The following FAM171A1 variants were observed in gnomAD, a reference collection of about 807,000 sequenced individuals.
The protein encoded by FAM171A1 is family with sequence similarity 171 member A1.
Under a neutral mutation model 74.9 loss-of-function variants are expected in FAM171A1, and 23 were observed. The observed-to-expected ratio is 0.31, with a 90% CI of 0.22 to 0.44. The LOEUF (loss-of-function observed/expected upper bound fraction) is 0.44. Ranked by LOEUF, FAM171A1 falls within the 20% of genes least tolerant of loss-of-function variation. The pLI is 1.00. For synonymous variants in FAM171A1, 527 were observed against 505.7 expected, an observed-to-expected ratio of 1.04 and a Z score of -0.57; for missense variants, 1,162 against 1,159.2, an observed-to-expected ratio of 1.00 and a Z score of -0.03.
intron 1 of FAM171A1, among the ~76,000 whole-genome samples, chr10:15,308,267 T>G (rs1835320723): frequency 6.6e-6 from 1 of 152,184 alleles, no homozygotes; most frequent in African/African-American, 2.4e-5. Flanking sequence ...TAGGATTTAC[T>G]TAGGAAGGGC....
At chr10:15,371,424 C>T (rs1456022637), upstream of FAM171A1, among the ~76,000 whole-genome samples, 1 of 149,488 alleles carries the variant, frequency 6.7e-6, no homozygotes, top group African/African-American at 2.4e-5. Flanking sequence ...GCCCGACCCC[C>T]GGCGACACTG....
chr10:15,286,801 C>T (rs17358351), intron 1 of FAM171A1, among the ~76,000 whole-genome samples: 38,063 of 152,036 alleles, frequency 0.25, 4,855 homozygotes, highest in Non-Finnish European at 0.28. Flanking sequence ...AGTAGATAAC[C>T]ATAGACAAGA....
At chr10:15,243,215 C>A (rs117715188) in intron 5 of FAM171A1, among the ~76,000 whole-genome samples, 4 of 152,048 alleles carry the variant, frequency 2.6e-5, no homozygotes, top group African/African-American at 9.7e-5. Context: ...CTCCGGCCTG[C>A]GCTCCCATCC....
At chr10:15,342,366 T>A (rs1297143747) in intron 1 of FAM171A1, among the ~76,000 whole-genome samples, 1 of 152,134 alleles carries the variant, frequency 6.6e-6, no homozygotes, top group Non-Finnish European at 1.5e-5. Context: ...AGTCAGGAGT[T>A]CGAGACCAGC....
upstream of FAM171A1, among the ~76,000 whole-genome samples, chr10:15,372,641 G>T (rs1346817325): frequency 2.8e-5 from 4 of 144,342 alleles, no homozygotes; most frequent in Non-Finnish European, 6.0e-5. Context: ...GGAGGTTGCA[G>T]TGAGCCAAGA....
chr10:15,246,406 C>T (rs1042373701), intron 5 of FAM171A1, among the ~76,000 whole-genome samples: 6 of 152,198 alleles, frequency 3.9e-5, no homozygotes, highest in Non-Finnish European at 8.8e-5. Flanking sequence ...TCCTAGAACT[C>T]TGTTTTAACT....
At chr10:15,260,097 G>A (rs569388944) in intron 3 of FAM171A1, among the ~76,000 whole-genome samples, 64 of 152,152 alleles carry the variant, frequency 4.2e-4, no homozygotes, top group Middle Eastern at 3.4e-3. Flanking sequence ...AAAGTGCTGG[G>A]GTTACAGGTG....
chr10:15,278,760 G>A (rs1319060589), intron 2 of FAM171A1, among the ~76,000 whole-genome samples: 1 of 152,212 alleles, frequency 6.6e-6, no homozygotes, highest in Non-Finnish European at 1.5e-5. Context: ...GTGTGGGAAA[G>A]AGTGAGTTGG....
At chr10:15,288,084 A>T (rs924268633) in intron 1 of FAM171A1, among the ~76,000 whole-genome samples, 2 of 152,198 alleles carry the variant, frequency 1.3e-5, no homozygotes, top group African/African-American at 4.8e-5. Context: ...GTTGCTGCAA[A>T]TGTAATTATT....
rs750077585 is a variant in FAM171A1, at chr10:15,214,149, G to A, written c.1439C>T (p.Ser480Leu). ...ACTACCCCTGTAGTCATCATTGCCC[G>A]AGGACTCGTAGCCTTCTCTTTCCAT... ...KSMEREGYES[S>L]GNDDYRGSYN... The change falls in exon 8 of 8, where the codon TCG (serine) becomes TTG (leucine). Residue 480 changes from serine (S) to leucine (L), a missense_variant. By Grantham distance (145) the Ser-to-Leu change is moderately radical. Coordinates refer to ENST00000378116, the MANE Select transcript of FAM171A1 (RefSeq NM_001010924.2). 67 of 1,614,030 alleles carry A rather than the reference G, an allele frequency of 4.2e-5. No homozygotes were observed. Among genetic ancestry groups the A allele is most frequent in the Non-Finnish European group, 5.3e-5 (63 of 1,180,024 alleles).
chr10:15,234,700 T>A (rs1298847584), intron 5 of FAM171A1, among the ~76,000 whole-genome samples: 3 of 151,708 alleles, frequency 2.0e-5, no homozygotes, highest in Non-Finnish European at 4.4e-5. Flanking sequence ...TCGCCCAGGC[T>A]GAAGTGCAGT....
At chr10:15,329,110 A>C (rs144767640) in intron 1 of FAM171A1, among the ~76,000 whole-genome samples, 7 of 152,322 alleles carry the variant, frequency 4.6e-5, no homozygotes, top group African/African-American at 1.7e-4. Context: ...GTCGGGAAGA[A>C]GGTTGAGAAT....
intron 5 of FAM171A1, among the ~76,000 whole-genome samples, chr10:15,229,318 G>A (rs1308297450): frequency 6.6e-6 from 1 of 152,126 alleles, no homozygotes; most frequent in East Asian, 1.9e-4. Context: ...GGCTCTGGAT[G>A]AATAATTAGC....
chr10:15,347,739 G>A (rs1443661898), intron 1 of FAM171A1, among the ~76,000 whole-genome samples: 1 of 149,960 alleles, frequency 6.7e-6, no homozygotes, highest in Non-Finnish European at 1.5e-5. Context: ...GGAGGCTGAG[G>A]CAGGAGAATC....
At chr10:15,300,620 C>CAAA (rs145825136) in intron 1 of FAM171A1, among the ~76,000 whole-genome samples, 2 of 98,064 alleles carry the variant, frequency 2.0e-5, no homozygotes, top group African/African-American at 7.1e-5. Context: ...AAAAAATAAA[C>CAAA]AAAAAAAAAA....
intron 1 of FAM171A1, among the ~76,000 whole-genome samples, chr10:15,329,490 C>T (rs1835600765): frequency 6.6e-6 from 1 of 152,034 alleles, no homozygotes; most frequent in Non-Finnish European, 1.5e-5. Flanking sequence ...GCCAGGCACA[C>T]CTGTGCACAT....
At chr10:15,289,506 C>A (rs969340001) in intron 1 of FAM171A1, among the ~76,000 whole-genome samples, 1 of 152,114 alleles carries the variant, frequency 6.6e-6, no homozygotes, top group African/African-American at 2.4e-5. Context: ...TTCTTTTGTA[C>A]CCTCGTGAAC....
chr10:15,267,239 G>A (rs929351568), intron 3 of FAM171A1, among the ~76,000 whole-genome samples: 15 of 152,214 alleles, frequency 9.9e-5, no homozygotes, highest in African/African-American at 3.1e-4. Context: ...GAATGCCAGC[G>A]TGCATGGGCA....
chr10:15,289,072 T>C (rs974197497), intron 1 of FAM171A1, among the ~76,000 whole-genome samples: 1 of 152,188 alleles, frequency 6.6e-6, no homozygotes, highest in South Asian at 2.1e-4. Context: ...TCTGCCTGCC[T>C]TGGCCTCCCA....
Sources: allele counts gnomAD v4.1 joint callset (sites outside exome capture counted in the v4.1 genomes callset), GRCh38; gene constraint gnomAD v4.1.1; transcripts MANE v1.5; gene names NCBI Gene and HGNC (gene_info 2026-07-23, HGNC 2026-07-21).